The following CDK6 variants were observed in gnomAD, a reference collection of about 807,000 sequenced individuals.
CDK6 encodes cyclin dependent kinase 6.
A neutral mutation model predicts 37.1 loss-of-function variants in CDK6; 6 were observed. The observed-to-expected ratio is 0.16, with a 90% CI of 0.09 to 0.32. The LOEUF (loss-of-function observed/expected upper bound fraction) is 0.32, where lower values mean the gene tolerates loss of function less well. Ranked by LOEUF, CDK6 falls within the 10% of genes least tolerant of loss-of-function variation. CDK6 has a pLI of 1.00. For missense variants in CDK6, 224 were observed against 418.9 expected, an observed-to-expected ratio of 0.53 and a Z score of 4.06; for synonymous variants, 160 against 161.3, an observed-to-expected ratio of 0.99 and a Z score of 0.06.
At chr7:92,675,792 G>A (rs1797189107) in intron 4 of CDK6, among the ~76,000 whole-genome samples, 1 of 152,126 alleles carries the variant, frequency 6.6e-6, no homozygotes. Context: ...AACCTCTTTA[G>A]AAGCCAATTT....
intron 1 of CDK6, among the ~76,000 whole-genome samples, chr7:92,836,032 G>C (rs1041953295): frequency 6.6e-6 from 1 of 152,172 alleles, no homozygotes; most frequent in Non-Finnish European, 1.5e-5. Flanking sequence ...AGTTTTCGAG[G>C]GGGAAATGCA....
At chr7:92,816,036 T>C (rs1476892962) in intron 2 of CDK6, among the ~76,000 whole-genome samples, 1 of 152,036 alleles carries the variant, frequency 6.6e-6, no homozygotes, top group Non-Finnish European at 1.5e-5. Context: ...AAACTAAAAA[T>C]AAGCCTTGGA....
chr7:92,776,030 T>C (rs1042885562), intron 2 of CDK6, among the ~76,000 whole-genome samples: 1 of 152,092 alleles, frequency 6.6e-6, no homozygotes, highest in African/African-American at 2.4e-5. Context: ...TCATCTACAT[T>C]AGGTATTTCT....
chr7:92,769,312 C>G (rs1799655099), intron 3 of CDK6, among the ~76,000 whole-genome samples: 1 of 152,074 alleles, frequency 6.6e-6, no homozygotes, highest in African/African-American at 2.4e-5. Flanking sequence ...CCCTCTCAAG[C>G]TCTATAGAAT....
At chr7:92,804,461 C>T (rs1800670009) in intron 2 of CDK6, among the ~76,000 whole-genome samples, 1 of 152,222 alleles carries the variant, frequency 6.6e-6, no homozygotes, top group African/African-American at 2.4e-5. Flanking sequence ...TCAGCCATCT[C>T]ACCTCGCTCC....
chr7:92,666,871 A>T lies in CDK6; in HGVS notation c.647+4555T>A, dbSNP rs565638651. Among the ~76,000 whole-genome samples, 4 of 152,342 alleles carry T rather than the reference A, an allele frequency of 2.6e-5. No homozygotes were observed. In the South Asian group the frequency reaches 8.3e-4, roughly 32 times the overall value. On this transcript the variant is annotated intron_variant, in intron 5 of 7. Transcript: ENST00000424848. ...TATATTATACTTTTATCATTATTTTAGAGTGTACTACTACTTATAAAAAGA... is the reference window on the plus strand; with the variant it reads ...TATATTATACTTTTATCATTATTTTTGAGTGTACTACTACTTATAAAAAGA...
chr7:92,795,100 C>T (rs1800376122), intron 2 of CDK6, among the ~76,000 whole-genome samples: 1 of 152,032 alleles, frequency 6.6e-6, no homozygotes, highest in South Asian at 2.1e-4. Flanking sequence ...AGGCAATTAT[C>T]CTTTTACTAA....
In CDK6 at chr7:92,607,000, A is replaced by G. The variant is rs1167481904; in HGVS notation, c.*8140T>C. Reference sequence around the variant, plus strand: ...TGGTTGTTAAAATCCCTTTTATTTTATAATAAATTATACAGGCAATCCTTG... The same window carrying G: ...TGGTTGTTAAAATCCCTTTTATTTTGTAATAAATTATACAGGCAATCCTTG... On this transcript the variant is annotated 3_prime_UTR_variant, in exon 8 of 8. Transcript: ENST00000424848. 4.3e-6 allele frequency: 1 copy of G among 233,122 alleles called. No homozygotes were observed. The highest frequency in any genetic ancestry group is 8.5e-6 in the Non-Finnish European group (1 of 117,982). The allele number at this position is 233,122 out of a possible 1,614,324, so 14.4% of individuals were successfully genotyped here.
intron 2 of CDK6, among the ~76,000 whole-genome samples, chr7:92,780,829 A>C (rs559715945): frequency 1.5e-4 from 23 of 151,970 alleles, no homozygotes; most frequent in East Asian, 9.7e-4. Flanking sequence ...AAAAAACCCC[A>C]AAAAACTGGA....
chr7:92,690,012 C>G (rs1459444216), intron 4 of CDK6, among the ~76,000 whole-genome samples: 1 of 151,780 alleles, frequency 6.6e-6, no homozygotes, highest in Non-Finnish European at 1.5e-5. Context: ...TATAGATGCT[C>G]CATATTAGAC....
At chr7:92,731,119 T>G (rs1444947565) in intron 3 of CDK6, among the ~76,000 whole-genome samples, 1 of 152,226 alleles carries the variant, frequency 6.6e-6, no homozygotes, top group Non-Finnish European at 1.5e-5. Flanking sequence ...ACATCAAGCT[T>G]GCTGTATGTA....
chr7:92,773,552 G>C (rs936799450), intron 3 of CDK6, among the ~76,000 whole-genome samples: 1 of 152,182 alleles, frequency 6.6e-6, no homozygotes, highest in African/African-American at 2.4e-5. Context: ...CCAGAGGAAA[G>C]AGGGGTGCAC....
At chr7:92,617,301 T>C (rs772741931) in intron 7 of CDK6, among the ~76,000 whole-genome samples, 3 of 152,064 alleles carry the variant, frequency 2.0e-5, no homozygotes, top group Admixed American at 6.6e-5. Context: ...CCTTCTATCA[T>C]GAGAAAAACA....
rs1432161715 is a variant in CDK6, at chr7:92,834,066, T to C, written c.-367-376A>G. 3 of 390,908 alleles carry C rather than the reference T, an allele frequency of 7.7e-6. No individual in the cohort carries two copies. Among genetic ancestry groups the C allele is most frequent in the African/African-American group, 4.2e-5 (2 of 48,112 alleles). The allele number at this position is 390,908 out of a possible 1,614,324, so 24.2% of individuals were successfully genotyped here. On this transcript the variant is annotated intron_variant, in intron 1 of 7. Transcript: ENST00000424848. The surrounding 1 kb of genome is among the most constrained non-coding windows in gnomAD (Gnocchi z 4.6). ...GGCTTAATATTTATCCCTATATCAT[T>C]GTGTTGCGCCGCTACCCTCCCCGCC...
At chr7:92,778,637 GA>G in intron 2 of CDK6, among the ~76,000 whole-genome samples, 1 of 151,832 alleles carries the variant, frequency 6.6e-6, no homozygotes, top group African/African-American at 2.4e-5. Context: ...TCTTCCTATT[GA>G]AAAAGAAAAT....
rs192456441 is a variant in CDK6 at position 92,694,692 on chromosome 7, T to A, written c.538-23157A>T. Among the ~76,000 whole-genome samples the A allele has an allele frequency of 5.9e-5, 9 of 152,330 alleles. No individual in the cohort carries two copies. The East Asian group carries it at 1.7e-3, about 29-fold the overall frequency. On this transcript the variant is annotated intron_variant, in intron 4 of 7. Coordinates refer to ENST00000424848, the MANE Select transcript of CDK6 (RefSeq NM_001145306.2). Reference sequence around the variant, plus strand: ...GGCTGTTGTCTGTCTCGTGTTCTTTTCAGAATCAAGCATCATTGTTCAAAC... The same window carrying A: ...GGCTGTTGTCTGTCTCGTGTTCTTTACAGAATCAAGCATCATTGTTCAAAC...
intron 2 of CDK6, among the ~76,000 whole-genome samples, chr7:92,782,380 G>T (rs1800014813): frequency 6.6e-6 from 1 of 152,130 alleles, no homozygotes; most frequent in Admixed American, 6.6e-5. Flanking sequence ...ATTTTCTGTT[G>T]AGGAACTACT....
At chr7:92,615,554 A>C (rs1361071273) in intron 7 of CDK6, among the ~76,000 whole-genome samples, 3 of 152,172 alleles carry the variant, frequency 2.0e-5, no homozygotes, top group African/African-American at 7.2e-5. Flanking sequence ...TATGCATATA[A>C]CTTTATTTAG....
intron 2 of CDK6, among the ~76,000 whole-genome samples, chr7:92,825,568 T>C (rs1032665427): frequency 6.6e-6 from 1 of 152,124 alleles, no homozygotes; most frequent in Non-Finnish European, 1.5e-5. Flanking sequence ...TTTGTCAAGA[T>C]GGAATCCAAA....
Sources: allele counts gnomAD v4.1 joint callset (sites outside exome capture counted in the v4.1 genomes callset), GRCh38; gene constraint gnomAD v4.1.1; non-coding constraint Gnocchi (gnomAD v3.1); transcripts MANE v1.5; gene names NCBI Gene and HGNC (gene_info 2026-07-23, HGNC 2026-07-21).